NFKB1: variants seen among roughly 807,000 people sequenced by gnomAD.
The protein encoded by NFKB1 is nuclear factor NF-kappa-B p105 subunit.
NFKB1 carries 9 observed loss-of-function variants against 105.1 expected under a neutral mutation model. The observed-to-expected ratio is 0.09, with a 90% CI of 0.05 to 0.15. The LOEUF (loss-of-function observed/expected upper bound fraction) is 0.15. Ranked by LOEUF, NFKB1 falls within the 10% of genes least tolerant of loss-of-function variation. The pLI, the probability that NFKB1 is intolerant of heterozygous loss-of-function variation, is 1.00. For missense variants in NFKB1, 830 were observed against 1,203.7 expected, an observed-to-expected ratio of 0.69 and a Z score of 4.59; for synonymous variants, 440 against 442.2, an observed-to-expected ratio of 1.00 and a Z score of 0.06.
At chr4:102,539,982 A>G (rs1043143061) in intron 5 of NFKB1, among the ~76,000 whole-genome samples, 3 of 152,194 alleles carry the variant, frequency 2.0e-5, no homozygotes, top group Non-Finnish European at 4.4e-5. Flanking sequence ...AGCCAGGCCC[A>G]GCACTTACCT....
intron 20 of NFKB1, 88 bp from the exon 21 acceptor site, chr4:102,611,956 A>G (rs1233220839): frequency 2.0e-6 from 2 of 994,850 alleles, no homozygotes; most frequent in Non-Finnish European, 3.1e-6. Context: ...CCTAAGGAGG[A>G]CATGCTGAGT....
intron 20 of NFKB1, among the ~76,000 whole-genome samples, chr4:102,611,596 A>T (rs1233487822): frequency 6.6e-6 from 1 of 152,248 alleles, no homozygotes. Flanking sequence ...AGCCTTGTGA[A>T]CATCTAGACA....
Position 102,501,622 on chromosome 4 carries a change from A to ACTGGCCTGGCCCGGCCCCGC in NFKB1, c.-172_-153dup, listed in dbSNP as rs1739024377. The ACTGGCCTGGCCCGGCCCCGC allele has an allele frequency of 6.7e-6, 1 of 148,426 alleles. No homozygotes were observed. The highest frequency in any genetic ancestry group is 2.1e-4 in the South Asian group (1 of 4,834). The allele number at this position is 148,426 out of a possible 1,614,324, so 9.2% of individuals were successfully genotyped here. A position where few individuals can be genotyped will look rare whatever the true frequency, so the allele number is the denominator to read the frequency against. ...GCGCTGCGGCCATGGCGCGGCGCTG[A>ACTGGCCTGGCCCGGCCCCGC]CTGGCCTGGCCCGGCCCCGCCGCGC... On this transcript the variant is annotated 5_prime_UTR_variant, in exon 1 of 24. Transcript: ENST00000226574.
chr4:102,586,024 G>C (rs1030334264), intron 11 of NFKB1, among the ~76,000 whole-genome samples: 3 of 152,174 alleles, frequency 2.0e-5, no homozygotes, highest in African/African-American at 7.2e-5. Flanking sequence ...AGGGATAGCC[G>C]GGCCTGCCTA....
chr4:102,591,419 C>A (rs1302940368), intron 11 of NFKB1, among the ~76,000 whole-genome samples: 1,077 of 100,622 alleles, frequency 0.011, no homozygotes, highest in Middle Eastern at 0.022. Context: ...GACCCTGGCT[C>A]AAAAAAAAAA....
In NFKB1 at chr4:102,606,559, G is replaced by C; in HGVS notation, c.1816G>C (p.Gly606Arg). 6.2e-7 allele frequency: 1 copy of C among 1,614,186 alleles called. No individual in the cohort carries two copies. Among genetic ancestry groups the C allele is most frequent in the Non-Finnish European group, 8.5e-7 (1 of 1,180,034 alleles). Residue 606 changes from glycine (G) to arginine (R), a missense_variant, in exon 17 of 24, where the codon GGG (glycine) becomes CGG (arginine). Physicochemically the swap from Gly to Arg is moderately radical, Grantham distance 125. Around this residue, in one of 8 missense-constraint regions of NFKB1, gnomAD observed 418 missense variants for 575.3 expected, o/e 0.73. Coordinates refer to ENST00000226574, the MANE Select transcript of NFKB1 (RefSeq NM_003998.4). ...TGTGGTGGAGGATTTGCTGAGGGCT[G>C]GGGCCGACCTGAGCCTTCTGGACCG... is the stretch of plus-strand genomic sequence containing the variant. ...EDVVEDLLRA[G>R]ADLSLLDRLG...
chr4:102,555,700 C>A (rs1243054054), intron 5 of NFKB1, among the ~76,000 whole-genome samples: 1 of 151,998 alleles, frequency 6.6e-6, no homozygotes, highest in African/African-American at 2.4e-5. Flanking sequence ...TCTCTGAGAT[C>A]GAATGGAGAA....
At chr4:102,531,846 A>G (rs1338733546) in intron 3 of NFKB1, among the ~76,000 whole-genome samples, 1 of 152,206 alleles carries the variant, frequency 6.6e-6, no homozygotes. Context: ...ATAAAAAGTG[A>G]GAGACTTGAA....
chr4:102,558,438 CA>C (rs964621072), intron 5 of NFKB1, among the ~76,000 whole-genome samples: 1 of 151,542 alleles, frequency 6.6e-6, no homozygotes, highest in African/African-American at 2.4e-5. Flanking sequence ...GACAAAATAA[CA>C]AAAAAAAGAG....
chr4:102,553,389 G>A (rs187682306), intron 5 of NFKB1, among the ~76,000 whole-genome samples: 1 of 152,214 alleles, frequency 6.6e-6, no homozygotes, highest in Non-Finnish European at 1.5e-5. Flanking sequence ...ATATCACAGA[G>A]TCAGAGATAT....
chr4:102,575,480 C>A (rs1335733432), intron 6 of NFKB1, among the ~76,000 whole-genome samples: 2 of 152,064 alleles, frequency 1.3e-5, no homozygotes, highest in African/African-American at 4.8e-5. Flanking sequence ...AGCCAGAGAT[C>A]TGGCCCCCTG....
chr4:102,521,926 C>T (rs1740601902), intron 1 of NFKB1, among the ~76,000 whole-genome samples: 2 of 152,226 alleles, frequency 1.3e-5, no homozygotes, highest in African/African-American at 4.8e-5. Context: ...GCTAGCTATA[C>T]TTTCTATTTC....
chr4:102,536,789 G>A (rs948439459), intron 4 of NFKB1, among the ~76,000 whole-genome samples: 1 of 152,078 alleles, frequency 6.6e-6, no homozygotes, highest in Non-Finnish European at 1.5e-5. Flanking sequence ...AACAAAAGGT[G>A]AGAATGTTCC....
At chr4:102,553,381 A>G (rs1412355569) in intron 5 of NFKB1, among the ~76,000 whole-genome samples, 1 of 152,210 alleles carries the variant, frequency 6.6e-6, no homozygotes, top group African/African-American at 2.4e-5. Context: ...AAATTTGGAT[A>G]TCACAGAGTC....
chr4:102,600,382 G>A (rs1727036226), intron 15 of NFKB1, among the ~76,000 whole-genome samples: 1 of 152,138 alleles, frequency 6.6e-6, no homozygotes, highest in Non-Finnish European at 1.5e-5. Flanking sequence ...TCCACTCTTG[G>A]GATCTGGAAA....
At chr4:102,533,549 C>T (rs1741438193) in intron 3 of NFKB1, among the ~76,000 whole-genome samples, 1 of 152,192 alleles carries the variant, frequency 6.6e-6, no homozygotes, top group African/African-American at 2.4e-5. Flanking sequence ...AGGCTGTTGA[C>T]ATCAATTCTT....
In NFKB1 at chr4:102,616,847, C is replaced by G. The variant is rs1578845296; in HGVS notation, c.*253C>G. Reference sequence around the variant, plus strand: ...GCGGATGCATCTGGGGATGAGGTTGCTTACTAAGCTTTGCCAGCTGCTGCT... The same window carrying G: ...GCGGATGCATCTGGGGATGAGGTTGGTTACTAAGCTTTGCCAGCTGCTGCT... On this transcript the variant is annotated 3_prime_UTR_variant, in exon 24 of 24. Transcript: ENST00000226574. 1 of 339,182 alleles carries G rather than the reference C, an allele frequency of 2.9e-6. No homozygotes were observed. Among genetic ancestry groups the G allele is most frequent in the East Asian group, 5.5e-5 (1 of 18,184 alleles). 21.0% of individuals were successfully genotyped at this position (339,182 alleles called of 1,614,324 possible).
At chr4:102,606,210 T>C (rs1727708045) in intron 16 of NFKB1, among the ~76,000 whole-genome samples, 1 of 152,214 alleles carries the variant, frequency 6.6e-6, no homozygotes, top group Non-Finnish European at 1.5e-5. Flanking sequence ...AAACATCACA[T>C]TGTACCTCAT....
chr4:102,586,022 C>T (rs1224759881), intron 11 of NFKB1, among the ~76,000 whole-genome samples: 1 of 152,128 alleles, frequency 6.6e-6, no homozygotes, highest in African/African-American at 2.4e-5. Context: ...AGAGGGATAG[C>T]CGGGCCTGCC....
Sources: allele counts gnomAD v4.1 joint callset (sites outside exome capture counted in the v4.1 genomes callset), GRCh38; gene constraint gnomAD v4.1.1; regional missense constraint gnomAD v4.1.1; transcripts MANE v1.5; gene names NCBI Gene and HGNC (gene_info 2026-07-23, HGNC 2026-07-21).